Variants in AKAP10 observed in about 807,000 individuals in gnomAD.
The protein encoded by AKAP10 is A-kinase anchoring protein 10.
A neutral mutation model predicts 80.8 loss-of-function variants in AKAP10; 24 were observed. The ratio of observed to expected loss-of-function variants is 0.30; its 90% CI spans 0.22 to 0.42. The LOEUF is 0.42. Among genes scored for constraint, AKAP10 ranks in the 10% least tolerant of loss-of-function variants. AKAP10 has a pLI of 1.00. For synonymous variants in AKAP10, 291 were observed against 277.7 expected, an observed-to-expected ratio of 1.05 and a Z score of -0.48; for missense variants, 661 against 794.9, an observed-to-expected ratio of 0.83 and a Z score of 2.03.
chr17:19,943,048 C>T (rs922660798), intron 5 of AKAP10, among the ~76,000 whole-genome samples: 2 of 152,046 alleles, frequency 1.3e-5, no homozygotes, highest in Non-Finnish European at 1.5e-5. Context: ...AGAGCTATTA[C>T]GCCTGGCCAA....
intron 4 of AKAP10, among the ~76,000 whole-genome samples, chr17:19,951,424 T>G (rs1169776090): frequency 6.6e-6 from 1 of 152,248 alleles, no homozygotes; most frequent in Non-Finnish European, 1.5e-5. Context: ...GAACGGGCCA[T>G]GATGACGATG....
chr17:19,968,609 T>C (rs11658169), intron 1 of AKAP10, 148 bp from the exon 2 acceptor site: 212,980 of 593,870 alleles, frequency 0.36, 42,603 homozygotes, highest in East Asian at 0.47. Context: ...AGGAGGGTAG[T>C]TGTCAGCAAA....
chr17:19,940,858 T>C (rs369221816), intron 7 of AKAP10, 29 bp downstream of exon 7: 3 of 1,575,180 alleles, frequency 1.9e-6, no homozygotes, highest in Non-Finnish European at 8.6e-7. Context: ...AATGCTCGAA[T>C]AGAGTGTGAA....
At chr17:19,944,787 A>T (rs2043086080) in intron 5 of AKAP10, among the ~76,000 whole-genome samples, 1 of 152,212 alleles carries the variant, frequency 6.6e-6, no homozygotes, top group African/African-American at 2.4e-5. Flanking sequence ...CTACCACTTC[A>T]AACATTTGTG....
chr17:19,931,780 A>T (rs1478484491), intron 10 of AKAP10, 25 bp downstream of exon 10: 4 of 1,598,592 alleles, frequency 2.5e-6, no homozygotes, highest in Non-Finnish European at 3.4e-6. Context: ...TTTTCTCCCT[A>T]ATGGCAGACG....
intron 9 of AKAP10, among the ~76,000 whole-genome samples, chr17:19,933,641 G>A (rs1327535644): frequency 2.0e-5 from 3 of 151,872 alleles, no homozygotes; most frequent in South Asian, 4.2e-4. Context: ...AATTTTAATC[G>A]TGAAAATATT....
intron 1 of AKAP10, among the ~76,000 whole-genome samples, chr17:19,970,747 C>T (rs1313110604): frequency 6.6e-6 from 1 of 151,944 alleles, no homozygotes; most frequent in Non-Finnish European, 1.5e-5. Flanking sequence ...CGCTTGAACC[C>T]GGGAGGCCGA....
chr17:19,959,519 T>G (rs2043323770), intron 3 of AKAP10, among the ~76,000 whole-genome samples: 1 of 152,180 alleles, frequency 6.6e-6, no homozygotes. Flanking sequence ...TGTTATGAAC[T>G]CAGCATTATT....
At position 19,946,657 on chromosome 17, in the gene AKAP10, C is replaced by CTT. The variant is rs35156168; in HGVS notation, c.976+748_976+749dup. Among the ~76,000 whole-genome samples, 160 of 111,134 alleles carry CTT rather than the reference C, an allele frequency of 1.4e-3. 1 individual carries two copies. Among genetic ancestry groups the CTT allele is most frequent in the Middle Eastern group, 5.2e-3 (1 of 192 alleles). The allele number at this position is 111,134 out of a possible 152,430, so 72.9% of individuals were successfully genotyped here. ...ATTTGGGTCCAACATATAAGAAAAA[C>CTT]TTTTTTTTTTTTTTTTTTTTTAAGG... On this transcript the variant is annotated intron_variant, in intron 5 of 14. Coordinates refer to ENST00000225737, the MANE Select transcript of AKAP10 (RefSeq NM_007202.4).
chr17:19,908,793 C>G (rs1032677142), intron 14 of AKAP10, among the ~76,000 whole-genome samples: 18 of 152,180 alleles, frequency 1.2e-4, no homozygotes, highest in Middle Eastern at 6.8e-3. Context: ...GTGCCTGCCA[C>G]CACACCCGGC....
At chr17:19,957,905 G>A (rs565739367) in intron 4 of AKAP10, 109 bp downstream of exon 4, 3 of 1,202,748 alleles carry the variant, frequency 2.5e-6, no homozygotes, top group South Asian at 3.1e-5. Flanking sequence ...AGTAGTTAGA[G>A]GAGAAAAAAA....
chr17:19,963,590 G>C (rs994947640), intron 2 of AKAP10, among the ~76,000 whole-genome samples: 8 of 151,970 alleles, frequency 5.3e-5, no homozygotes, highest in Admixed American at 4.6e-4. Flanking sequence ...TGGGGTGGGG[G>C]GAACCTAGAA....
chr17:19,920,158 C>G, intron 11 of AKAP10, 40 bp from the exon 12 acceptor site: 1 of 1,454,364 alleles, frequency 6.9e-7, no homozygotes, highest in South Asian at 1.2e-5. Flanking sequence ...TTCTAACAAT[C>G]AGTTTTAAAT....
At chr17:19,917,329 G>C (rs1473475501) in intron 12 of AKAP10, among the ~76,000 whole-genome samples, 7 of 152,020 alleles carry the variant, frequency 4.6e-5, no homozygotes, top group African/African-American at 1.7e-4. Flanking sequence ...TAATACTGGG[G>C]AGGAGACCCC....
chr17:19,971,463 C>A (rs1350930273), intron 1 of AKAP10, among the ~76,000 whole-genome samples: 2 of 150,186 alleles, frequency 1.3e-5, no homozygotes, highest in Non-Finnish European at 3.0e-5. Context: ...GAGCTGAGAT[C>A]ACGCCACTGC....
chr17:19,920,019 A>G lies in AKAP10; in HGVS notation c.1834+17T>C. The G allele has an allele frequency of 1.2e-6, 2 of 1,600,294 alleles. No individual in the cohort carries two copies. Among genetic ancestry groups the G allele is most frequent in the Non-Finnish European group, 1.7e-6 (2 of 1,168,352 alleles). On this transcript the variant is annotated intron_variant, in intron 12 of 14. Coordinates refer to ENST00000225737, the MANE Select transcript of AKAP10 (RefSeq NM_007202.4). ...TGTGAGTAAAGGCTTAATATGAAGT[A>G]TAAAAACACCACAAACCTTTTGATT...
chr17:19,965,103 C>T (rs528893004), intron 2 of AKAP10, among the ~76,000 whole-genome samples: 8 of 152,192 alleles, frequency 5.3e-5, no homozygotes, highest in Non-Finnish European at 8.8e-5. Context: ...CATTCCCACC[C>T]ACATTGACTT....
At chr17:19,934,921 A>G (rs2042976188) in intron 9 of AKAP10, among the ~76,000 whole-genome samples, 1 of 152,212 alleles carries the variant, frequency 6.6e-6, no homozygotes, top group African/African-American at 2.4e-5. Context: ...ATGAGGCAGG[A>G]TAATTGGTTG....
Position 19,936,246 on chromosome 17 carries a change from A to C in AKAP10, c.1467+40T>G, listed in dbSNP as rs1241777330. On this transcript the variant is annotated intron_variant, in intron 9 of 14. Transcript: ENST00000225737. Reference sequence around the variant, plus strand: ...TTATATTTTATGAGTTCTACCAATAAAACTTCTTGTAGTTTGATACGTTTG... The same window carrying C: ...TTATATTTTATGAGTTCTACCAATACAACTTCTTGTAGTTTGATACGTTTG... 6.3e-6 allele frequency: 10 copies of C among 1,584,160 alleles called. No homozygotes were observed. The Admixed American group carries it at 1.8e-4, about 28-fold the overall frequency.
Sources: gnomAD v4.1 joint callset for allele counts (sites outside exome capture counted in the v4.1 genomes callset) on GRCh38, gnomAD v4.1.1 for gene constraint, MANE v1.5 for transcripts, NCBI Gene and HGNC (gene_info 2026-07-23, HGNC 2026-07-21) for gene names.